The following MAPK12 variants were observed in gnomAD, a reference collection of about 807,000 sequenced individuals.
The protein encoded by MAPK12 is MAP kinase 12.
In MAPK12, 49 loss-of-function variants were observed where a neutral mutation model predicts 49.1. The ratio of observed to expected loss-of-function variants is 1.00; its 90% CI spans 0.79 to 1.27. The LOEUF (loss-of-function observed/expected upper bound fraction) is 1.27. Ranked by LOEUF, MAPK12 falls within the 50% of genes most tolerant of loss-of-function variation. The probability of loss-of-function intolerance (pLI) is 0.00; values close to 1 mark genes in which losing one functional copy is unlikely to be tolerated. For synonymous variants in MAPK12, 251 were observed against 209.7 expected (o/e 1.20, Z -1.70); for missense variants, 554 against 502.4 (o/e 1.10, Z -0.98).
In MAPK12 at chr22:50,261,203, G is replaced by T; in HGVS notation, c.219C>A (p.Arg73=). ...GCATGTGCTTGAGCAGGCGCAGCTCGCGGTAGGCGCGCTTGGCGAACAGCT... is the reference window on the plus strand; with the variant it reads ...GCATGTGCTTGAGCAGGCGCAGCTCTCGGTAGGCGCGCTTGGCGAACAGCT... ...QSELFAKRAY[R]ELRLLKHMRH... Residue 73 remains arginine, a synonymous_variant, in exon 2 of 12, where the codon CGC becomes CGA. Transcript: ENST00000215659. 6.3e-7 allele frequency: 1 copy of T among 1,591,658 alleles called. No individual in the cohort carries two copies.
intron 6 of MAPK12, 39 bp from the exon 7 acceptor site, chr22:50,256,238 C>G (rs763177463): frequency 1.3e-6 from 2 of 1,523,542 alleles, no homozygotes; most frequent in South Asian, 2.3e-5. Context: ...TAGGGGACTC[C>G]CAAGGAGCGG....
At chr22:50,256,859 C>T in intron 5 of MAPK12, 76 bp downstream of exon 5, 2 of 1,568,214 alleles carry the variant, frequency 1.3e-6, no homozygotes, top group South Asian at 1.2e-5. Context: ...CCCATCACAT[C>T]CTCACAGGTG....
intron 11 of MAPK12, chr22:50,254,803 A>G: frequency 8.7e-7 from 1 of 1,150,434 alleles, no homozygotes; most frequent in Non-Finnish European, 1.1e-6. Flanking sequence ...GGGGGCCAGG[A>G]GGGGCTAAGT....
intron 11 of MAPK12, chr22:50,254,668 GC>G: frequency 9.9e-7 from 1 of 1,015,058 alleles, no homozygotes; most frequent in African/African-American, 1.7e-5. Flanking sequence ...CAAAAATGGG[GC>G]AAGGAGAGGC....
intron 11 of MAPK12, chr22:50,253,716 A>G (rs1024529029): frequency 5.2e-6 from 3 of 573,604 alleles, no homozygotes; most frequent in Non-Finnish European, 9.4e-6. Flanking sequence ...GTCTGTCCTA[A>G]GAGCTGAGGC....
intron 11 of MAPK12, 86 bp downstream of exon 11, chr22:50,255,111 A>G (rs749666285): frequency 7.3e-5 from 110 of 1,499,758 alleles, no homozygotes; most frequent in Non-Finnish European, 9.6e-5. Context: ...CCCTACCCGG[A>G]GCCCCCAACT....
Position 50,255,435 on chromosome 22 carries a change from C to G in MAPK12, c.850+18G>C, listed in dbSNP as rs760014654. ...CCACACTCCAGCACCCGGTGGCCCC[C>G]ACACTAGCCAGCCGTACCCAGAGGG... On this transcript the variant is annotated intron_variant, in intron 10 of 11. Transcript: ENST00000215659. 1.2e-6 allele frequency: 2 copies of G among 1,612,926 alleles called. No homozygotes were observed. The highest frequency in any genetic ancestry group is 2.2e-5 in the East Asian group (1 of 44,886).
At chr22:50,261,142 C>T (rs1473639513) in intron 2 of MAPK12, 25 bp downstream of exon 2, 1 of 1,560,590 alleles carries the variant, frequency 6.4e-7, no homozygotes, top group Non-Finnish European at 8.7e-7. Context: ...GCGGCGCCTT[C>T]CCGGAGCGGG....
intron 3 of MAPK12, among the ~76,000 whole-genome samples, chr22:50,257,394 T>C (rs951719129): frequency 6.6e-6 from 1 of 152,122 alleles, no homozygotes; most frequent in Non-Finnish European, 1.5e-5. Context: ...CCCGCAACTG[T>C]TACTGCCAGC....
Position 50,258,250 on chromosome 22 carries a change from T to G in MAPK12, c.307A>C (p.Thr103Pro), listed in dbSNP as rs2065172883. The stretch of plus-strand genomic sequence containing the variant: ...GCCCAGGTCGGCACTCACAAGTCCG[T>G]GAAGTCATCCAGGGTCTCATCAGGA... ...FTPDETLDDFTDFYLVMPFMG... is the reference protein window; with the variant it reads ...FTPDETLDDFPDFYLVMPFMG... Residue 103 changes from threonine (T) to proline (P), a missense_variant, in exon 3 of 12, where the codon ACG (threonine) becomes CCG (proline). Transcript: ENST00000215659. The G allele has an allele frequency of 6.2e-7, 1 of 1,613,114 alleles. No individual in the cohort carries two copies. Among genetic ancestry groups the G allele is most frequent in the Non-Finnish European group, 8.5e-7 (1 of 1,179,990 alleles).
intron 3 of MAPK12, chr22:50,257,421 T>G: frequency 1.7e-6 from 1 of 575,212 alleles, no homozygotes; most frequent in Non-Finnish European, 3.1e-6. Flanking sequence ...CACACCCCCC[T>G]CCCACCCTGA....
At chr22:50,255,721 G>A (rs373061117) in intron 8 of MAPK12, 27 bp from the exon 9 acceptor site, 27 of 1,609,450 alleles carry the variant, frequency 1.7e-5, no homozygotes, top group Admixed American at 3.3e-5. Flanking sequence ...AACACAGCTC[G>A]GGGGCCAGAG....
At chr22:50,256,578 C>T (rs1383609609) in intron 6 of MAPK12, 21 bp downstream of exon 6, 1 of 1,608,186 alleles carries the variant, frequency 6.2e-7, no homozygotes, top group South Asian at 1.1e-5. Flanking sequence ...ACCTCAGGGC[C>T]CCCTGCCAGG....
At position 50,253,560 on chromosome 22, in the gene MAPK12, G is replaced by A. The variant is rs1377559309; in HGVS notation, c.1025-80C>T. On this transcript the variant is annotated intron_variant, in intron 11 of 11. Transcript: ENST00000215659. ...CATCCTGGGAGTCGCTCACAGACAC[G>A]CCTGGCGGTGCCTCGTGGGGCCCTT... 16 of 737,458 alleles carry A rather than the reference G, an allele frequency of 2.2e-5. No individual in the cohort carries two copies. The Middle Eastern group carries it at 1.8e-3, about 82-fold the overall frequency. The allele number at this position is 737,458 out of a possible 1,614,324, so 45.7% of individuals were successfully genotyped here.
At position 50,253,499 on chromosome 22, in the gene MAPK12, C is replaced by T. The variant is rs757363116; in HGVS notation, c.1025-19G>A. 78 of 660,734 alleles carry T rather than the reference C, an allele frequency of 1.2e-4. No homozygotes were observed. The highest frequency in any genetic ancestry group is 1.1e-3 in the African/African-American group (28 of 24,994). 40.9% of individuals were successfully genotyped at this position (660,734 alleles called of 1,614,324 possible). On this transcript the variant is annotated intron_variant, in intron 11 of 11. Transcript: ENST00000215659. ...GTAACACCTGGCGGGGGTGGGGGGGCGGGCACAACAGAGAGGGGGGTCAGC... is the reference window on the plus strand; with the variant it reads ...GTAACACCTGGCGGGGGTGGGGGGGTGGGCACAACAGAGAGGGGGGTCAGC...
rs146555114 is a variant in MAPK12, at chr22:50,256,956, G to A, written c.435C>T (p.His145=). The A allele has an allele frequency of 2.2e-5, 35 of 1,606,790 alleles. No individual in the cohort carries two copies. The highest frequency in any genetic ancestry group is 8.9e-5 in the East Asian group (4 of 44,780). The change falls in exon 5 of 12, where the codon CAC becomes CAT. Residue 145 remains histidine (H), a synonymous_variant. Coordinates refer to ENST00000215659, the MANE Select transcript of MAPK12 (RefSeq NM_002969.6). ...TCACTCTGTGGATGATGCCGGCAGC[G>A]TGGATATACTGCGGGGGGCAGAGGA... ...YQMLKGLRYI[H]AAGIIHRDLK...
In MAPK12 at chr22:50,257,141, C is replaced by G; in HGVS notation, c.367G>C (p.Glu123Gln). The change falls in exon 4 of 12, where the codon GAG (glutamate) becomes CAG (glutamine). Residue 123 changes from glutamate to glutamine, a missense_variant. Glu to Gln is a conservative substitution (Grantham distance 29). Transcript: ENST00000215659. The part of the protein sequence containing the change: ...GTDLGKLMKH[E>Q]KLGEDRIQFL... ...TGGATCCGGTCCTCGCCTAGCTTCTCATGTTTCATGAGCTTGCCCAGGTCG... is the reference window on the plus strand; with the variant it reads ...TGGATCCGGTCCTCGCCTAGCTTCTGATGTTTCATGAGCTTGCCCAGGTCG... 1 of 1,612,930 alleles carries G rather than the reference C, an allele frequency of 6.2e-7. No individual in the cohort carries two copies. Among genetic ancestry groups the G allele is most frequent in the Non-Finnish European group, 8.5e-7 (1 of 1,179,946 alleles).
chr22:50,252,985 G>A lies in MAPK12; in HGVS notation c.*416C>T, dbSNP rs1301603258. Reference sequence around the variant, plus strand: ...ACATTCCAGGCTGGGGGTGCAGGAAGGTCCACTGACGTCGCCCAGGAGAGG... The same window carrying A: ...ACATTCCAGGCTGGGGGTGCAGGAAAGTCCACTGACGTCGCCCAGGAGAGG... On this transcript the variant is annotated 3_prime_UTR_variant, in exon 12 of 12. Coordinates refer to ENST00000215659, the MANE Select transcript of MAPK12 (RefSeq NM_002969.6). The A allele has an allele frequency of 1.1e-5, 3 of 276,172 alleles. No individual in the cohort carries two copies. The highest frequency in any genetic ancestry group is 2.1e-5 in the Non-Finnish European group (3 of 140,172). The allele number at this position is 276,172 out of a possible 1,614,324, so 17.1% of individuals were successfully genotyped here. A position where few individuals can be genotyped will look rare whatever the true frequency, so the allele number is the denominator to read the frequency against.
rs1028353078 is a variant in MAPK12 at position 50,253,168 on chromosome 22, G to A, written c.*233C>T. On this transcript the variant is annotated 3_prime_UTR_variant, in exon 12 of 12. Transcript: ENST00000215659. Reference sequence around the variant, plus strand: ...GTGGGCCACTGCTCCAGGGATCAGAGGCCATCCCCAGGTCGGCCAGAGGTC... The same window carrying A: ...GTGGGCCACTGCTCCAGGGATCAGAAGCCATCCCCAGGTCGGCCAGAGGTC... The A allele has an allele frequency of 1.1e-5, 6 of 570,910 alleles. No individual in the cohort carries two copies. The East Asian group carries it at 1.5e-4, about 14-fold the overall frequency. The allele number at this position is 570,910 out of a possible 1,614,324, so 35.4% of individuals were successfully genotyped here.
Sources: allele counts gnomAD v4.1 joint callset (sites outside exome capture counted in the v4.1 genomes callset), GRCh38; gene constraint gnomAD v4.1.1; transcripts MANE v1.5; gene names NCBI Gene and HGNC (gene_info 2026-07-23, HGNC 2026-07-21).